ARFGEF1: variants seen among roughly 807,000 people sequenced by gnomAD.
ARFGEF1 encodes brefeldin A-inhibited guanine nucleotide-exchange protein 1.
ARFGEF1 carries 42 observed loss-of-function variants against 231.0 expected under a neutral mutation model. The observed-to-expected ratio is 0.18, with a 90% CI of 0.14 to 0.24. ARFGEF1 has a LOEUF of 0.24. Among genes scored for constraint, ARFGEF1 ranks in the 10% least tolerant of loss-of-function variants. ARFGEF1 has a pLI of 1.00. For synonymous variants in ARFGEF1, 710 were observed against 732.3 expected (o/e 0.97, Z 0.49); for missense variants, 1,345 against 2,192.0 (o/e 0.61, Z 7.72).
intron 19 of ARFGEF1, among the ~76,000 whole-genome samples, chr8:67,247,088 T>G (rs1343527613): frequency 6.7e-6 from 1 of 149,944 alleles, no homozygotes; most frequent in Non-Finnish European, 1.5e-5. Context: ...AGCAATGAGA[T>G]CAAAGCCATA....
At chr8:67,188,614 G>A (rs1445303342) in intron 5 of ARFGEF1, among the ~76,000 whole-genome samples, 2 of 152,180 alleles carry the variant, frequency 1.3e-5, no homozygotes, top group African/African-American at 2.4e-5. Flanking sequence ...ATGCTCTTCT[G>A]GTCCATGTTT....
At chr8:67,278,859 T>G (rs1018308802) in intron 7 of ARFGEF1, among the ~76,000 whole-genome samples, 2 of 152,218 alleles carry the variant, frequency 1.3e-5, no homozygotes, top group Non-Finnish European at 2.9e-5. Context: ...AAATACATTA[T>G]GAAAACTGTT....
intron 23 of ARFGEF1, among the ~76,000 whole-genome samples, chr8:67,229,539 G>A (rs1053658033): frequency 5.3e-5 from 8 of 151,960 alleles, no homozygotes; most frequent in Admixed American, 2.0e-4. Flanking sequence ...TATATCGTTC[G>A]TCAGCAGAAT....
At chr8:67,249,258 A>T (rs1406017367) in intron 19 of ARFGEF1, among the ~76,000 whole-genome samples, 1 of 150,532 alleles carries the variant, frequency 6.6e-6, no homozygotes, top group African/African-American at 2.5e-5. Context: ...GTATTCAATA[A>T]ATTACATGAG....
chr8:67,263,228 CCTCT>C (rs1363567747), intron 14 of ARFGEF1, among the ~76,000 whole-genome samples: 2 of 152,162 alleles, frequency 1.3e-5, no homozygotes, highest in African/African-American at 4.8e-5. Context: ...TCAAATGTTA[CCTCT>C]CTGTTTACAG....
At chr8:67,322,704 T>TAAAAAC (rs1807654050) in intron 1 of ARFGEF1, among the ~76,000 whole-genome samples, 1 of 152,132 alleles carries the variant, frequency 6.6e-6, no homozygotes, top group Non-Finnish European at 1.5e-5. Context: ...GACCGTCTCT[T>TAAAAAC]AAAAACAAAA....
chr8:67,227,433 A>T lies in ARFGEF1; in HGVS notation c.3743+14T>A, dbSNP rs1357151550. On this transcript the variant is annotated intron_variant, in intron 26 of 38. Transcript: ENST00000262215. ...AGATTTTCCTTCTATTAAGCAATTC[A>T]ACAAATATAGTACCTGTTCCGTTTC... The T allele has an allele frequency of 1.9e-6, 3 of 1,609,402 alleles. No individual in the cohort carries two copies. In the Admixed American group the frequency reaches 5.0e-5, roughly 27 times the overall value.
intron 7 of ARFGEF1, among the ~76,000 whole-genome samples, chr8:67,285,648 C>G (rs1466165650): frequency 4.6e-5 from 7 of 152,206 alleles, no homozygotes; most frequent in Middle Eastern, 3.2e-3. Context: ...TAATCACCAT[C>G]TTAACCAAAT....
chr8:67,336,373 C>G (rs1808346750), intron 1 of ARFGEF1, among the ~76,000 whole-genome samples: 1 of 152,186 alleles, frequency 6.6e-6, no homozygotes, highest in Non-Finnish European at 1.5e-5. Flanking sequence ...CAAAATGGGT[C>G]TGAAAAGTTA....
In ARFGEF1 at chr8:67,198,926, A is replaced by G; in HGVS notation, c.*8T>C. 1 of 1,611,544 alleles carries G rather than the reference A, an allele frequency of 6.2e-7. No homozygotes were observed. The highest frequency in any genetic ancestry group is 2.2e-5 in the East Asian group (1 of 44,686). On this transcript the variant is annotated 3_prime_UTR_variant, in exon 39 of 39. Coordinates refer to ENST00000262215, the MANE Select transcript of ARFGEF1 (RefSeq NM_006421.5). ...GATGTAAATGCCAACAAAAATATTA[A>G]GTTCCCATCATTGCTTGTTTATTCC...
intron 5 of ARFGEF1, among the ~76,000 whole-genome samples, chr8:67,177,363 T>C (rs1222528844): frequency 6.6e-6 from 1 of 152,190 alleles, no homozygotes; most frequent in Non-Finnish European, 1.5e-5. Context: ...ATGCAACAAC[T>C]TTCTACAGAT....
chr8:67,194,940 G>T, downstream of ARFGEF1, among the ~76,000 whole-genome samples: 1 of 152,084 alleles, frequency 6.6e-6, no homozygotes, highest in Non-Finnish European at 1.5e-5. Flanking sequence ...TTATAGCAGT[G>T]TTGTAGGTTG....
intron 1 of ARFGEF1, among the ~76,000 whole-genome samples, chr8:67,318,653 T>C (rs781673021): frequency 2.6e-5 from 4 of 152,102 alleles, no homozygotes; most frequent in Non-Finnish European, 4.4e-5. Context: ...ATACTAGCAA[T>C]GAACAACTGG....
intron 10 of ARFGEF1, among the ~76,000 whole-genome samples, chr8:67,269,570 C>T (rs1298265050): frequency 1.3e-5 from 2 of 151,818 alleles, no homozygotes; most frequent in Admixed American, 6.6e-5. Flanking sequence ...AGGCTAGTCT[C>T]GAACTCCTGA....
Position 67,198,531 on chromosome 8 carries a change from C to A in ARFGEF1, c.*403G>T, listed in dbSNP as rs1290040349. 1.0e-6 allele frequency: 1 copy of A among 991,694 alleles called. No individual in the cohort carries two copies. The highest frequency in any genetic ancestry group is 1.2e-6 in the Non-Finnish European group (1 of 834,184). The allele number at this position is 991,694 out of a possible 1,614,324, so 61.4% of individuals were successfully genotyped here. On this transcript the variant is annotated 3_prime_UTR_variant, in exon 39 of 39. Coordinates refer to ENST00000262215, the MANE Select transcript of ARFGEF1 (RefSeq NM_006421.5). ...ATAATTTCTTCTTCTCTCCCCACTC[C>A]CCAATTATAAACATTTTATCCTTCA...
At position 67,198,233 on chromosome 8, in the gene ARFGEF1, G is replaced by C; in HGVS notation, c.*701C>G. On this transcript the variant is annotated 3_prime_UTR_variant, in exon 39 of 39. Transcript: ENST00000262215. ...CCTCAAAATCACCACCTACCAAAAA[G>C]GGCAAAACTAAAAATCCCTATAAAA... The C allele has an allele frequency of 3.0e-6, 3 of 985,534 alleles. No homozygotes were observed. The highest frequency in any genetic ancestry group is 3.5e-5 in the African/African-American group (2 of 57,212). The allele number at this position is 985,534 out of a possible 1,614,324, so 61.0% of individuals were successfully genotyped here. A position where few individuals can be genotyped will look rare whatever the true frequency, so the allele number is the denominator to read the frequency against.
At chr8:67,220,740 G>A (rs918432385) in intron 29 of ARFGEF1, among the ~76,000 whole-genome samples, 3 of 152,148 alleles carry the variant, frequency 2.0e-5, no homozygotes, top group Non-Finnish European at 2.9e-5. Flanking sequence ...GCTGAGCTCC[G>A]TATCTATTCC....
intron 1 of ARFGEF1, among the ~76,000 whole-genome samples, chr8:67,329,782 GCTAA>G (rs1415875778): frequency 2.6e-5 from 4 of 151,618 alleles, no homozygotes. Context: ...TTTTAGTCAA[GCTAA>G]CTAGTGAGAT....
intron 12 of ARFGEF1, 50 bp from the exon 13 acceptor site, chr8:67,267,034 A>G: frequency 1.2e-6 from 2 of 1,610,474 alleles, no homozygotes; most frequent in Non-Finnish European, 1.7e-6. Flanking sequence ...TTTTAAGGAA[A>G]ACACATGACT....
Sources: gnomAD v4.1 joint callset for allele counts (sites outside exome capture counted in the v4.1 genomes callset) on GRCh38, gnomAD v4.1.1 for gene constraint, MANE v1.5 for transcripts, NCBI Gene and HGNC (gene_info 2026-07-23, HGNC 2026-07-21) for gene names.